Variants in AUTS2 observed in about 807,000 individuals in gnomAD.
AUTS2 encodes activator of transcription and developmental regulator AUTS2.
AUTS2 carries 17 observed loss-of-function variants against 112.4 expected under a neutral mutation model. That is an observed-to-expected ratio of 0.15 (90% confidence interval 0.10 to 0.23). AUTS2 has a LOEUF of 0.23. AUTS2 is among the 10% of genes least tolerant of loss of function. The pLI, the probability that AUTS2 is intolerant of heterozygous loss-of-function variation, is 1.00. For missense variants in AUTS2, 1,510 were observed against 1,701.6 expected (o/e 0.89, Z 1.98); for synonymous variants, 751 against 702.7 (o/e 1.07, Z -1.09).
chr7:70,640,904 T>C (rs1047842285), intron 5 of AUTS2, among the ~76,000 whole-genome samples: 5 of 152,090 alleles, frequency 3.3e-5, no homozygotes, highest in African/African-American at 1.2e-4. Flanking sequence ...CAGCTTCCAG[T>C]CTCATCTCCC....
intron 5 of AUTS2, among the ~76,000 whole-genome samples, chr7:70,648,932 TG>T (rs1192861230): frequency 2.0e-5 from 3 of 152,182 alleles, no homozygotes; most frequent in Non-Finnish European, 4.4e-5. Flanking sequence ...GGTGCTAAAA[TG>T]AGTTTATTAA....
chr7:70,043,470 G>C (rs1801335204), intron 2 of AUTS2, among the ~76,000 whole-genome samples: 2 of 151,896 alleles, frequency 1.3e-5, no homozygotes, highest in Non-Finnish European at 2.9e-5. Context: ...TTCATTTTCT[G>C]AATGCATTGG....
chr7:69,951,972 G>T (rs1797044325), intron 2 of AUTS2, among the ~76,000 whole-genome samples: 1 of 152,106 alleles, frequency 6.6e-6, no homozygotes, highest in South Asian at 2.1e-4. Context: ...GATTATTTCA[G>T]TTACTTTATG....
At chr7:70,121,247 A>C (rs1285091220) in intron 3 of AUTS2, among the ~76,000 whole-genome samples, 2 of 152,218 alleles carry the variant, frequency 1.3e-5, no homozygotes, top group Non-Finnish European at 2.9e-5. Flanking sequence ...TAAAACTCTT[A>C]GAAGAAAATA....
intron 2 of AUTS2, among the ~76,000 whole-genome samples, chr7:69,967,691 A>G (rs894311361): frequency 2.0e-5 from 3 of 152,082 alleles, no homozygotes; most frequent in African/African-American, 7.2e-5. Context: ...CTCCAGCGCT[A>G]TATTGTGGGT....
chr7:69,855,273 A>T (rs1792669253), intron 1 of AUTS2, among the ~76,000 whole-genome samples: 1 of 152,064 alleles, frequency 6.6e-6, no homozygotes. Context: ...TAAGTACTAA[A>T]CCAATCTTAT....
intron 1 of AUTS2, among the ~76,000 whole-genome samples, chr7:69,735,499 A>T (rs1055835954): frequency 1.2e-4 from 19 of 152,188 alleles, no homozygotes; most frequent in Non-Finnish European, 1.5e-4. Context: ...CTAATTATTT[A>T]ACCCATGAAA....
intron 2 of AUTS2, among the ~76,000 whole-genome samples, chr7:69,934,167 C>T (rs925581228): frequency 1.3e-5 from 2 of 152,086 alleles, no homozygotes; most frequent in African/African-American, 4.8e-5. Context: ...TTAGAGGTCT[C>T]CCAAAATTGT....
intron 4 of AUTS2, among the ~76,000 whole-genome samples, chr7:70,316,475 C>T (rs997640049): frequency 2.0e-5 from 3 of 148,722 alleles, no homozygotes; most frequent in African/African-American, 7.5e-5. Flanking sequence ...ATGATCTCAG[C>T]TCACTGCAAC....
chr7:70,073,276 C>T lies in AUTS2; in HGVS notation c.523-44856C>T, dbSNP rs185733925. On this transcript the variant is annotated intron_variant, in intron 2 of 18. Coordinates refer to ENST00000342771, the MANE Select transcript of AUTS2 (RefSeq NM_015570.4). The stretch of plus-strand genomic sequence containing the variant: ...CTGTAATCCCAGCACTTTGGGAAGC[C>T]GAGGTGGGCAGATCACCTGAGGTCA... 3.3e-3 allele frequency among the ~76,000 whole-genome samples: 497 copies of T among 151,586 alleles called. 5 individuals carry two copies. Among genetic ancestry groups the T allele is most frequent in the African/African-American group, 0.01 (431 of 41,338 alleles).
chr7:69,663,200 G>A (rs1795881688), intron 1 of AUTS2: 1 of 152,118 alleles, frequency 6.6e-6, no homozygotes, highest in Non-Finnish European at 1.5e-5. Context: ...TTTATGCTCT[G>A]TTACATTAAT....
chr7:70,309,737 A>C (rs528672517), intron 4 of AUTS2, among the ~76,000 whole-genome samples: 2 of 152,344 alleles, frequency 1.3e-5, no homozygotes, highest in African/African-American at 4.8e-5. Context: ...AATTATAGTA[A>C]AACTTATTAA....
intron 1 of AUTS2, among the ~76,000 whole-genome samples, chr7:69,704,388 C>T (rs1354122562): frequency 1.3e-5 from 2 of 152,100 alleles, no homozygotes; most frequent in African/African-American, 2.4e-5. Context: ...CACCATTCTC[C>T]TGCCTCAGCC....
chr7:70,155,361 T>C (rs1049943213), intron 4 of AUTS2, among the ~76,000 whole-genome samples: 2 of 152,042 alleles, frequency 1.3e-5, no homozygotes, highest in Admixed American at 6.6e-5. Context: ...AGAAAATCTT[T>C]TAAAATCAAG....
intron 5 of AUTS2, among the ~76,000 whole-genome samples, chr7:70,439,316 G>T (rs557396220): frequency 6.6e-6 from 1 of 152,226 alleles, no homozygotes; most frequent in South Asian, 2.1e-4. Flanking sequence ...AAGGCGGGGA[G>T]ATGACAAGAT....
rs202175416 is a variant in AUTS2, at chr7:69,968,460, TG to T, written c.522+68963del. Among the ~76,000 whole-genome samples, 947 of 152,332 alleles carry T rather than the reference TG, an allele frequency of 6.2e-3. 9 individuals are homozygous for T. Among genetic ancestry groups the T allele is most frequent in the East Asian group, 0.017 (86 of 5,184 alleles). On this transcript the variant is annotated intron_variant, in intron 2 of 18. Coordinates refer to ENST00000342771, the MANE Select transcript of AUTS2 (RefSeq NM_015570.4). The stretch of plus-strand genomic sequence containing the variant: ...CTAATACATCTTCACTTACCGGGGC[TG>T]TTTGACATCTTTTTGGTTCCACATC...
intron 1 of AUTS2, among the ~76,000 whole-genome samples, chr7:69,898,859 G>A (rs1236865658): frequency 6.6e-6 from 1 of 152,090 alleles, no homozygotes; most frequent in Non-Finnish European, 1.5e-5. Flanking sequence ...AAATTCAGTT[G>A]GGTGCTATTT....
chr7:70,400,386 C>T (rs1794275824), intron 4 of AUTS2, among the ~76,000 whole-genome samples: 1 of 152,142 alleles, frequency 6.6e-6, no homozygotes, highest in Non-Finnish European at 1.5e-5. Context: ...TTCTACCCAA[C>T]CATATGATCC....
intron 4 of AUTS2, among the ~76,000 whole-genome samples, chr7:70,400,489 C>T (rs1374834963): frequency 2.6e-5 from 4 of 151,988 alleles, no homozygotes; most frequent in East Asian, 1.9e-4. Context: ...ACAGTTTGAC[C>T]GAGGTTAGGT....
Sources: gnomAD v4.1 joint callset for allele counts (sites outside exome capture counted in the v4.1 genomes callset) on GRCh38, gnomAD v4.1.1 for gene constraint, MANE v1.5 for transcripts, NCBI Gene and HGNC (gene_info 2026-07-23, HGNC 2026-07-21) for gene names.